RGS7: variants seen among roughly 807,000 people sequenced by gnomAD.
RGS7 encodes regulator of G protein signaling 7.
Under a neutral mutation model 81.1 loss-of-function variants are expected in RGS7, and 27 were observed. That is an observed-to-expected ratio of 0.33 (90% CI 0.25 to 0.46). The LOEUF (loss-of-function observed/expected upper bound fraction) is 0.46, where lower values mean the gene tolerates loss of function less well. Ranked by LOEUF, RGS7 falls within the 20% of genes least tolerant of loss-of-function variation. The pLI is 1.00. For synonymous variants in RGS7, 208 were observed against 207.7 expected (o/e 1.00, Z -0.01); for missense variants, 396 against 607.4 (o/e 0.65, Z 3.66).
intron 2 of RGS7, among the ~76,000 whole-genome samples, chr1:241,169,306 G>A (rs1322644903): frequency 6.8e-6 from 1 of 146,068 alleles, no homozygotes; most frequent in East Asian, 2.0e-4. Flanking sequence ...GCCTGTGAAT[G>A]TGACAATGTA....
In RGS7 at chr1:241,223,829, C is replaced by T. The variant is rs555379853; in HGVS notation, c.79-125067G>A. Among the ~76,000 whole-genome samples the T allele has an allele frequency of 3.6e-4, 54 of 151,748 alleles. No homozygotes were observed. The South Asian group carries it at 0.011, about 30-fold the overall frequency. On this transcript the variant is annotated intron_variant, in intron 2 of 18. Coordinates refer to ENST00000440928, the MANE Select transcript of RGS7 (RefSeq NM_001364886.1). The stretch of plus-strand genomic sequence containing the variant: ...AATGAGAAAATATGTTCTGTAAATG[C>T]GTATAAAACACTGAGTATTTTTGTT...
At chr1:241,170,108 G>C (rs2070619416) in intron 2 of RGS7, among the ~76,000 whole-genome samples, 1 of 151,936 alleles carries the variant, frequency 6.6e-6, no homozygotes, top group African/African-American at 2.4e-5. Flanking sequence ...AGAGACAGCA[G>C]CAATCTCATA....
Position 240,992,721 on chromosome 1 carries a change from T to C in RGS7, c.176-9592A>G, listed in dbSNP as rs560716702. ...CCAATTAATGATGCCATTTTTGGGGTTCTATTTAAAATGTTTTCTATTATT... is the reference window on the plus strand; with the variant it reads ...CCAATTAATGATGCCATTTTTGGGGCTCTATTTAAAATGTTTTCTATTATT... On this transcript the variant is annotated intron_variant, in intron 3 of 18. Coordinates refer to ENST00000440928, the MANE Select transcript of RGS7 (RefSeq NM_001364886.1). 2.0e-3 allele frequency among the ~76,000 whole-genome samples: 297 copies of C among 151,686 alleles called. 1 individual carries two copies. Among genetic ancestry groups the C allele is most frequent in the Non-Finnish European group, 3.6e-3 (248 of 67,948 alleles).
chr1:241,354,707 T>C (rs2083451235), intron 2 of RGS7, among the ~76,000 whole-genome samples: 1 of 152,216 alleles, frequency 6.6e-6, no homozygotes, highest in Non-Finnish European at 1.5e-5. Flanking sequence ...TGCAAACATC[T>C]TGAACTCTTC....
At position 240,882,032 on chromosome 1, in the gene RGS7, A is replaced by G. The variant is rs1666491354; in HGVS notation, c.386-11913T>C. ...CTGGTTCAAGCTATTCTCCAGCCTCAGCCTCCCGAGTAGCTGGAATTACAG... is the reference window on the plus strand; with the variant it reads ...CTGGTTCAAGCTATTCTCCAGCCTCGGCCTCCCGAGTAGCTGGAATTACAG... On this transcript the variant is annotated intron_variant, in intron 6 of 18. Transcript: ENST00000440928. 2.0e-5 allele frequency among the ~76,000 whole-genome samples: 3 copies of G among 151,836 alleles called. No individual in the cohort carries two copies. In the South Asian group the frequency reaches 6.2e-4, roughly 31 times the overall value.
intron 2 of RGS7, among the ~76,000 whole-genome samples, chr1:241,120,717 C>A (rs371314972): frequency 6.6e-6 from 1 of 151,928 alleles, no homozygotes; most frequent in African/African-American, 2.4e-5. Flanking sequence ...ACATATGTGT[C>A]CAAAATGATC....
chr1:240,991,425 C>T (rs1229776135), intron 3 of RGS7, among the ~76,000 whole-genome samples: 1 of 152,166 alleles, frequency 6.6e-6, no homozygotes, highest in East Asian at 1.9e-4. Flanking sequence ...CAGGAGGATT[C>T]CTTATCAACC....
intron 6 of RGS7, among the ~76,000 whole-genome samples, chr1:240,896,043 G>C (rs1669038583): frequency 6.6e-6 from 1 of 152,198 alleles, no homozygotes; most frequent in South Asian, 2.1e-4. Context: ...GGCCAGTGAT[G>C]ATGAGATTTT....
intron 2 of RGS7, among the ~76,000 whole-genome samples, chr1:241,294,507 T>C (rs1339080009): frequency 1.3e-5 from 2 of 152,170 alleles, no homozygotes; most frequent in Non-Finnish European, 2.9e-5. Flanking sequence ...GGTTAATTTA[T>C]TATTGAAGAA....
rs1168421787 is a variant in RGS7, at chr1:240,801,497, T to C, written c.1371A>G (p.Ser457=). Residue 457 remains serine (S), a synonymous_variant, in exon 17 of 19, where the codon TCA becomes TCG. Coordinates refer to ENST00000440928, the MANE Select transcript of RGS7 (RefSeq NM_001364886.1). ...LLQAKKKSGN[S]MDRRTSFEKF... The stretch of plus-strand genomic sequence containing the variant: ...TTTCAAAAGATGTTCTGCGATCCAT[T>C]GAGTTTCCAGACTTACGTATGTGGG... 1 of 1,607,932 alleles carries C rather than the reference T, an allele frequency of 6.2e-7. No individual in the cohort carries two copies. The highest frequency in any genetic ancestry group is 1.3e-5 in the African/African-American group (1 of 74,694).
chr1:240,884,699 C>A (rs1667044689), intron 6 of RGS7, among the ~76,000 whole-genome samples: 2 of 152,124 alleles, frequency 1.3e-5, no homozygotes, highest in South Asian at 4.1e-4. Flanking sequence ...AACTGGCTAG[C>A]CATATGCAGA....
At chr1:241,071,095 A>T (rs2062413278) in intron 3 of RGS7, among the ~76,000 whole-genome samples, 1 of 152,140 alleles carries the variant, frequency 6.6e-6, no homozygotes, top group Non-Finnish European at 1.5e-5. Context: ...TTCTGCCTCT[A>T]TAGAAATTTC....
chr1:240,795,804 A>G (rs1000964289), intron 18 of RGS7, among the ~76,000 whole-genome samples: 2 of 152,226 alleles, frequency 1.3e-5, no homozygotes, highest in Non-Finnish European at 2.9e-5. Flanking sequence ...GTTTCAAAAG[A>G]ATATTTAAAT....
At chr1:240,875,906 A>G (rs1346666776) in intron 6 of RGS7, among the ~76,000 whole-genome samples, 2 of 152,162 alleles carry the variant, frequency 1.3e-5, no homozygotes, top group African/African-American at 2.4e-5. Flanking sequence ...CTTCATTGAT[A>G]CCACCAGGGT....
At position 240,929,478 on chromosome 1, in the gene RGS7, A is replaced by AT. The variant is rs74753145; in HGVS notation, c.385+1238dup. Among the ~76,000 whole-genome samples, 15 of 151,236 alleles carry AT rather than the reference A, an allele frequency of 9.9e-5. No homozygotes were observed. In the South Asian group the frequency reaches 1.0e-3, roughly 11 times the overall value. ...AATTTTTCGGTATTCTGGTTTTTAGATTTTTTTTTCATGAGTTATGTTAGT... is the reference window on the plus strand; with the variant it reads ...AATTTTTCGGTATTCTGGTTTTTAGATTTTTTTTTTCATGAGTTATGTTAGT... On this transcript the variant is annotated intron_variant, in intron 6 of 18. Transcript: ENST00000440928.
chr1:240,932,950 C>T (rs1179454432), intron 5 of RGS7, among the ~76,000 whole-genome samples: 2 of 120,504 alleles, frequency 1.7e-5, no homozygotes, highest in Non-Finnish European at 3.2e-5. Flanking sequence ...GTGGCGCGAT[C>T]TCGGCTCACT....
intron 2 of RGS7, among the ~76,000 whole-genome samples, chr1:241,149,184 G>T (rs879638899): frequency 6.6e-6 from 1 of 151,418 alleles, no homozygotes; most frequent in Non-Finnish European, 1.5e-5. Flanking sequence ...CTTTTTTTTT[G>T]AGATGAAGTC....
chr1:241,308,019 G>A (rs1409666027), intron 2 of RGS7, among the ~76,000 whole-genome samples: 1 of 152,170 alleles, frequency 6.6e-6, no homozygotes, highest in Non-Finnish European at 1.5e-5. Context: ...TACTTAAAAT[G>A]TTTGTGCATT....
intron 2 of RGS7, among the ~76,000 whole-genome samples, chr1:241,215,338 C>A (rs1436790254): frequency 1.3e-5 from 2 of 152,148 alleles, no homozygotes; most frequent in African/African-American, 4.8e-5. Context: ...GTTATCAATG[C>A]CCTCTAACTT....
Sources: allele counts gnomAD v4.1 joint callset (sites outside exome capture counted in the v4.1 genomes callset), GRCh38; gene constraint gnomAD v4.1.1; transcripts MANE v1.5; gene names NCBI Gene and HGNC (gene_info 2026-07-23, HGNC 2026-07-21).